Variants in ROCK1 observed in about 807,000 individuals in gnomAD.
ROCK1 encodes the protein rho-associated protein kinase 1.
In ROCK1, 36 loss-of-function variants were observed where a neutral mutation model predicts 196.8. The ratio of observed to expected loss-of-function variants is 0.18; its 90% CI spans 0.14 to 0.24. ROCK1 has a LOEUF of 0.24. Among genes scored for constraint, ROCK1 ranks in the 10% least tolerant of loss-of-function variants. ROCK1 has a pLI of 1.00. For missense variants in ROCK1, 920 were observed against 1,562.0 expected (o/e 0.59, Z 6.93); for synonymous variants, 443 against 515.9 (o/e 0.86, Z 1.91).
chr18:20,990,232 A>G (rs969468204), intron 18 of ROCK1, among the ~76,000 whole-genome samples: 1 of 152,194 alleles, frequency 6.6e-6, no homozygotes, highest in African/African-American at 2.4e-5. Context: ...GTACAAAGAA[A>G]TGAGAAAACT....
At chr18:20,978,826 C>G (rs900855705) in intron 22 of ROCK1, among the ~76,000 whole-genome samples, 1 of 152,136 alleles carries the variant, frequency 6.6e-6, no homozygotes, top group Middle Eastern at 3.2e-3. Flanking sequence ...AAGTGGATAG[C>G]AAGGTTCTCT....
intron 2 of ROCK1, among the ~76,000 whole-genome samples, chr18:21,070,123 A>G (rs746848990): frequency 3.3e-5 from 5 of 152,052 alleles, no homozygotes; most frequent in African/African-American, 4.8e-5. Context: ...TTTAAGATTA[A>G]AAGTTTGAAA....
Position 21,056,378 on chromosome 18 carries a change from T to C in ROCK1, c.176-6498A>G, listed in dbSNP as rs140164665. Among the ~76,000 whole-genome samples, 6 of 152,350 alleles carry C rather than the reference T, an allele frequency of 3.9e-5. No homozygotes were observed. The East Asian group carries it at 1.2e-3, about 29-fold the overall frequency. On this transcript the variant is annotated intron_variant, in intron 2 of 32. Coordinates refer to ENST00000399799, the MANE Select transcript of ROCK1 (RefSeq NM_005406.3). Reference sequence around the variant, plus strand: ...CCTATGTGTCCCACACTTTGGCCGATGGCTCAATTTTGCTCAGGACAAAAA... The same window carrying C: ...CCTATGTGTCCCACACTTTGGCCGACGGCTCAATTTTGCTCAGGACAAAAA...
At chr18:21,017,002 G>A (rs1429008448) in intron 12 of ROCK1, among the ~76,000 whole-genome samples, 3 of 151,388 alleles carry the variant, frequency 2.0e-5, no homozygotes, top group Admixed American at 6.6e-5. Context: ...CTTACCTCAC[G>A]GCCTTCACAG....
intron 2 of ROCK1, among the ~76,000 whole-genome samples, chr18:21,051,674 A>T (rs1568395554): frequency 6.6e-6 from 1 of 152,212 alleles, no homozygotes; most frequent in Non-Finnish European, 1.5e-5. Flanking sequence ...AACCGTTTTC[A>T]CATTAAAGTT....
chr18:20,980,016 G>A lies in ROCK1; in HGVS notation c.2560-12C>T. Reference sequence around the variant, plus strand: ...GTTTTATAAAGTGTCTGCAAAACAAGTGACAAGGAGAAATAAGTGTTTATG... The same window carrying A: ...GTTTTATAAAGTGTCTGCAAAACAAATGACAAGGAGAAATAAGTGTTTATG... On this transcript the variant is annotated splice_polypyrimidine_tract_variant and intron_variant, in intron 21 of 32. Coordinates refer to ENST00000399799, the MANE Select transcript of ROCK1 (RefSeq NM_005406.3). 1 of 1,528,776 alleles carries A rather than the reference G, an allele frequency of 6.5e-7. No individual in the cohort carries two copies. Among genetic ancestry groups the A allele is most frequent in the Non-Finnish European group, 8.8e-7 (1 of 1,140,506 alleles). The allele number at this position is 1,528,776 out of a possible 1,614,324, so 94.7% of individuals were successfully genotyped here.
At chr18:21,068,081 T>C (rs1226598995) in intron 2 of ROCK1, among the ~76,000 whole-genome samples, 1 of 152,214 alleles carries the variant, frequency 6.6e-6, no homozygotes, top group Non-Finnish European at 1.5e-5. Flanking sequence ...TTTCGATAAG[T>C]CTAATTTATC....
chr18:21,076,704 C>G (rs12458373), intron 1 of ROCK1, among the ~76,000 whole-genome samples: 118,981 of 150,112 alleles, frequency 0.79, 50,647 homozygotes, highest in Non-Finnish European at 0.95. Context: ...CACACACACA[C>G]AGAGCCATAA....
intron 9 of ROCK1, among the ~76,000 whole-genome samples, chr18:21,033,588 A>T (rs781057358): frequency 1.3e-5 from 2 of 152,086 alleles, no homozygotes; most frequent in Non-Finnish European, 2.9e-5. Flanking sequence ...ACCCTAAAGG[A>T]GCTACAAAAG....
chr18:21,078,750 G>A (rs1470145102), intron 1 of ROCK1, among the ~76,000 whole-genome samples: 1 of 152,162 alleles, frequency 6.6e-6, no homozygotes, highest in African/African-American at 2.4e-5. Flanking sequence ...GCACCTTGGG[G>A]ATTCAGGACT....
chr18:20,994,555 G>A (rs2035654198), intron 16 of ROCK1, among the ~76,000 whole-genome samples: 1 of 152,142 alleles, frequency 6.6e-6, no homozygotes, highest in South Asian at 2.1e-4. Context: ...CTGAGCCCAG[G>A]AGTTCTAGGA....
At chr18:21,021,544 A>T (rs568790390) in intron 11 of ROCK1, among the ~76,000 whole-genome samples, 14 of 152,372 alleles carry the variant, frequency 9.2e-5, no homozygotes, top group Middle Eastern at 3.4e-3. Flanking sequence ...AATACAGCAA[A>T]GAAGAAAAAT....
chr18:21,083,250 T>G (rs1457575971), intron 1 of ROCK1, among the ~76,000 whole-genome samples: 1 of 152,206 alleles, frequency 6.6e-6, no homozygotes, highest in East Asian at 1.9e-4. Context: ...ATGGCAATAC[T>G]ACTCAAAGTA....
rs774830120 is a variant in ROCK1, at chr18:20,954,993, C to A, written c.3643G>T (p.Val1215Leu). The A allele has an allele frequency of 1.2e-6, 2 of 1,613,884 alleles. No individual in the cohort carries two copies. The highest frequency in any genetic ancestry group is 1.7e-6 in the Non-Finnish European group (2 of 1,179,838). The change falls in exon 31 of 33, where the codon GTA becomes TTA. Residue 1215 changes from valine (V) to leucine (L), a missense_variant. By Grantham distance (32) the Val-to-Leu change is conservative (BLOSUM62 1). Coordinates refer to ENST00000399799, the MANE Select transcript of ROCK1 (RefSeq NM_005406.3). ...ECRKDVEMEP[V>L]QQAEKTNFQN... ...AAATTAGTTTTTTCAGCTTGTTGTA[C>A]TGGTTCCATCTCTACATCTTTTCTA...
At chr18:21,002,666 A>G (rs2035735065) in intron 16 of ROCK1, among the ~76,000 whole-genome samples, 1 of 152,238 alleles carries the variant, frequency 6.6e-6, no homozygotes, top group African/African-American at 2.4e-5. Context: ...AAAGAAACAA[A>G]GGACCTAGGC....
intron 27 of ROCK1, among the ~76,000 whole-genome samples, chr18:20,960,883 A>G (rs1208849236): frequency 6.6e-6 from 1 of 152,170 alleles, no homozygotes; most frequent in African/African-American, 2.4e-5. Context: ...TTGCAATTCT[A>G]CTCAAACTAA....
chr18:20,978,079 G>A (rs558031842), intron 22 of ROCK1, among the ~76,000 whole-genome samples: 1 of 151,778 alleles, frequency 6.6e-6, no homozygotes, highest in East Asian at 1.9e-4. Context: ...TAATCAACTC[G>A]ATTAAGGCAA....
intron 22 of ROCK1, among the ~76,000 whole-genome samples, chr18:20,976,105 C>G (rs778622049): frequency 2.0e-5 from 3 of 152,150 alleles, no homozygotes; most frequent in Non-Finnish European, 4.4e-5. Context: ...CTATGGATTA[C>G]AATTTGCTAC....
intron 16 of ROCK1, among the ~76,000 whole-genome samples, chr18:20,996,282 G>GAAT (rs1456556792): frequency 3.9e-5 from 6 of 152,126 alleles, no homozygotes; most frequent in African/African-American, 1.4e-4. Flanking sequence ...ACATACTGAA[G>GAAT]AATGCATCAG....
Sources: gnomAD v4.1 joint callset for allele counts (sites outside exome capture counted in the v4.1 genomes callset) on GRCh38, gnomAD v4.1.1 for gene constraint, MANE v1.5 for transcripts, NCBI Gene and HGNC (gene_info 2026-07-23, HGNC 2026-07-21) for gene names.